The following RARS2 variants were observed in gnomAD, a reference collection of about 807,000 sequenced individuals.
RARS2 encodes arginyl-tRNA synthetase 2, mitochondrial.
Under a neutral mutation model 88.5 loss-of-function variants are expected in RARS2, and 67 were observed. That is an observed-to-expected ratio of 0.76 (90% confidence interval 0.62 to 0.93). The LOEUF (loss-of-function observed/expected upper bound fraction) is 0.93. Among genes scored for constraint, RARS2 ranks in the 40% least tolerant of loss-of-function variants. RARS2 has a pLI of 0.00. For missense variants in RARS2, 664 were observed against 684.2 expected, an observed-to-expected ratio of 0.97 and a Z score of 0.33; for synonymous variants, 239 against 230.3, an observed-to-expected ratio of 1.04 and a Z score of -0.34.
chr6:87,589,976 G>C lies in RARS2; in HGVS notation c.-19C>G, dbSNP rs757513642. 20 of 1,614,102 alleles carry C rather than the reference G, an allele frequency of 1.2e-5. No homozygotes were observed. The highest frequency in any genetic ancestry group is 1.6e-4 in the Middle Eastern group (1 of 6,084). ...ACGCCATGTCCACCTCTACGGAAGT[G>C]CGCCGCAGTCCGCCAGTTCCGGCCT... is the stretch of plus-strand genomic sequence containing the variant. On this transcript the variant is annotated 5_prime_UTR_variant, in exon 1 of 20. Transcript: ENST00000369536.
Position 87,530,641 on chromosome 6 carries a change from A to C in RARS2, c.771+143T>G, listed in dbSNP as rs546741003. 2.1e-3 allele frequency: 1,791 copies of C among 857,022 alleles called. 5 individuals are homozygous for C. Among genetic ancestry groups the C allele is most frequent in the Middle Eastern group, 3.2e-3 (9 of 2,792 alleles). 53.1% of individuals were successfully genotyped at this position (857,022 alleles called of 1,614,324 possible). On this transcript the variant is annotated intron_variant, in intron 9 of 19. Transcript: ENST00000369536. Reference sequence around the variant, plus strand: ...GATTATTTTGCAGTTCTTTCAGCCCAAAAAAAAAATTTGAGTCTTAATTTT... The same window carrying C: ...GATTATTTTGCAGTTCTTTCAGCCCCAAAAAAAAATTTGAGTCTTAATTTT...
At chr6:87,538,930 T>C (rs1024990218) in intron 8 of RARS2, among the ~76,000 whole-genome samples, 3 of 151,350 alleles carry the variant, frequency 2.0e-5, no homozygotes, top group African/African-American at 7.3e-5. Flanking sequence ...GCTACTTGGG[T>C]TGCTGAGGTG....
intron 1 of RARS2, among the ~76,000 whole-genome samples, chr6:87,573,595 T>C (rs1770479900): frequency 6.6e-6 from 1 of 152,166 alleles, no homozygotes; most frequent in Non-Finnish European, 1.5e-5. Context: ...GTGGTGATGG[T>C]TGCACAATGT....
At chr6:87,540,669 C>A (rs966249575) in intron 8 of RARS2, among the ~76,000 whole-genome samples, 8 of 152,080 alleles carry the variant, frequency 5.3e-5, no homozygotes, top group Non-Finnish European at 1.2e-4. Context: ...GACTTCGTAT[C>A]CGCGTTTCCA....
intron 1 of RARS2, among the ~76,000 whole-genome samples, chr6:87,586,210 G>C (rs938038425): frequency 6.6e-6 from 1 of 152,188 alleles, no homozygotes; most frequent in African/African-American, 2.4e-5. Context: ...GTGTGGAATA[G>C]AGAAAGGAGA....
At chr6:87,525,297 A>T (rs1775308563) in intron 10 of RARS2, among the ~76,000 whole-genome samples, 1 of 152,206 alleles carries the variant, frequency 6.6e-6, no homozygotes, top group African/African-American at 2.4e-5. Flanking sequence ...AGCTGACAGG[A>T]AGCTAAAAGC....
intron 1 of RARS2, among the ~76,000 whole-genome samples, chr6:87,574,899 T>C (rs1267383092): frequency 6.6e-6 from 1 of 150,660 alleles, no homozygotes; most frequent in Non-Finnish European, 1.5e-5. Flanking sequence ...GAAGAACTAA[T>C]CAGAGAATAC....
intron 2 of RARS2, among the ~76,000 whole-genome samples, chr6:87,565,578 G>A (rs1404714980): frequency 6.6e-6 from 1 of 152,164 alleles, no homozygotes; most frequent in African/African-American, 2.4e-5. Flanking sequence ...TACAAAATAA[G>A]ACTTGAAGTA....
rs538640911 is a variant in RARS2 at position 87,574,869 on chromosome 6, G to GA, written c.37-5280dup. Among the ~76,000 whole-genome samples, 510 of 151,864 alleles carry GA rather than the reference G, an allele frequency of 3.4e-3. 8 individuals are homozygous for GA. Among genetic ancestry groups the GA allele is most frequent in the East Asian group, 5.0e-3 (26 of 5,172 alleles). ...GAAACATAACAGTATAGTCATAATT[G>GA]AAAAAAATACTATGACACAGAAGAA... On this transcript the variant is annotated intron_variant, in intron 1 of 19. Coordinates refer to ENST00000369536, the MANE Select transcript of RARS2 (RefSeq NM_020320.5).
In RARS2 at chr6:87,588,860, A is replaced by G. The variant is rs148463115; in HGVS notation, c.36+1062T>C. 1.6e-4 allele frequency among the ~76,000 whole-genome samples: 24 copies of G among 152,222 alleles called. No individual in the cohort carries two copies. The East Asian group carries it at 3.3e-3, about 21-fold the overall frequency. Reference sequence around the variant, plus strand: ...GCCTTAAGCCATACCCATCAGTAAAATCTGACCTTGCTTTCCCAGTTTAAT... The same window carrying G: ...GCCTTAAGCCATACCCATCAGTAAAGTCTGACCTTGCTTTCCCAGTTTAAT... On this transcript the variant is annotated intron_variant, in intron 1 of 19. Coordinates refer to ENST00000369536, the MANE Select transcript of RARS2 (RefSeq NM_020320.5).
At chr6:87,522,254 T>G (rs1353913542) in intron 11 of RARS2, among the ~76,000 whole-genome samples, 1 of 146,758 alleles carries the variant, frequency 6.8e-6, no homozygotes, top group Non-Finnish European at 1.5e-5. Flanking sequence ...CGCTTGAACC[T>G]AGGAGGTGGA....
At chr6:87,527,802 T>C (rs1776237564) in intron 10 of RARS2, among the ~76,000 whole-genome samples, 1 of 149,530 alleles carries the variant, frequency 6.7e-6, no homozygotes, top group South Asian at 2.1e-4. Context: ...CTCAGTAAAC[T>C]AATGCAGGAA....
rs145499324 is a variant in RARS2, at chr6:87,530,829, T to C, written c.726A>G (p.Gln242=). 4.5e-4 allele frequency: 733 copies of C among 1,614,210 alleles called. 4 individuals are homozygous for C. The African/African-American group carries it at 8.8e-3, about 19-fold the overall frequency. The change falls in exon 9 of 20, where the codon CAA becomes CAG. Residue 242 remains glutamine (Q), a synonymous_variant. Coordinates refer to ENST00000369536, the MANE Select transcript of RARS2 (RefSeq NM_020320.5). ...CTTCAATGCTCAAGTCCCGAAATTT[T>C]TGCCACAGTGAAAGTGCTTGCACAT... The part of the protein sequence containing the change: ...LGDVQALSLW[Q]KFRDLSIEEY...
At chr6:87,552,468 C>CT (rs1784652284) in intron 5 of RARS2, among the ~76,000 whole-genome samples, 1 of 152,310 alleles carries the variant, frequency 6.6e-6, no homozygotes, top group Non-Finnish European at 1.5e-5. Flanking sequence ...TAGACAGGCT[C>CT]TGCCTTCACC....
At chr6:87,530,363 T>C (rs1446050140) in intron 9 of RARS2, among the ~76,000 whole-genome samples, 2 of 152,220 alleles carry the variant, frequency 1.3e-5, no homozygotes, top group East Asian at 1.9e-4. Flanking sequence ...GCTTTATCTT[T>C]AATTTGTTTA....
intron 1 of RARS2, chr6:87,584,599 T>C (rs1269656872): frequency 2.8e-6 from 1 of 360,636 alleles, no homozygotes; most frequent in East Asian, 9.0e-5. Flanking sequence ...GAAGCTAGAA[T>C]TCTAATCCTT....
chr6:87,584,023 A>T (rs897082160), intron 1 of RARS2, among the ~76,000 whole-genome samples: 1 of 152,208 alleles, frequency 6.6e-6, no homozygotes, highest in African/African-American at 2.4e-5. Context: ...TAAACAAGAC[A>T]CAAATTGCCT....
Position 87,524,600 on chromosome 6 carries a change from A to G in RARS2, c.931T>C (p.Cys311Arg). The G allele has an allele frequency of 6.2e-7, 1 of 1,613,802 alleles. No homozygotes were observed. Among genetic ancestry groups the G allele is most frequent in the Non-Finnish European group, 8.5e-7 (1 of 1,179,758 alleles). ...GTCCCATCACTTCGCATTACAGTAC[A>G]AATTGAGGAGGGGTCGCCATTCCCA... is the stretch of plus-strand genomic sequence containing the variant. ...LSGNGDPSSI[C>R]TVMRSDGTSL... Residue 311 changes from cysteine (C) to arginine (R), a missense_variant, in exon 11 of 20, where the codon TGT becomes CGT. Physicochemically the swap from Cys to Arg is radical, Grantham distance 180. Coordinates refer to ENST00000369536, the MANE Select transcript of RARS2 (RefSeq NM_020320.5).
chr6:87,569,445 T>C (rs1163076230), intron 2 of RARS2, 72 bp downstream of exon 2: 2 of 1,188,952 alleles, frequency 1.7e-6, no homozygotes, highest in African/African-American at 3.0e-5. Flanking sequence ...GTAACAATTC[T>C]TTTTTGCTTT....
Sources: allele counts gnomAD v4.1 joint callset (sites outside exome capture counted in the v4.1 genomes callset), GRCh38; gene constraint gnomAD v4.1.1; transcripts MANE v1.5; gene names NCBI Gene and HGNC (gene_info 2026-07-23, HGNC 2026-07-21).